Variants in EBF2 observed in about 807,000 individuals in gnomAD.
EBF2 encodes transcription factor COE2.
Under a neutral mutation model 72.8 loss-of-function variants are expected in EBF2, and 21 were observed. That is an observed-to-expected ratio of 0.29 (90% CI 0.20 to 0.42). The LOEUF (loss-of-function observed/expected upper bound fraction) is 0.42, where lower values mean the gene tolerates loss of function less well. Ranked by LOEUF, EBF2 falls within the 10% of genes least tolerant of loss-of-function variation. The probability of loss-of-function intolerance (pLI) is 1.00; values close to 1 mark genes in which losing one functional copy is unlikely to be tolerated. For synonymous variants in EBF2, 299 were observed against 274.2 expected (o/e 1.09, Z -0.89); for missense variants, 637 against 731.2 (o/e 0.87, Z 1.49).
At chr8:25,956,377 C>G (rs1803947938) in intron 6 of EBF2, among the ~76,000 whole-genome samples, 1 of 151,782 alleles carries the variant, frequency 6.6e-6, no homozygotes, top group African/African-American at 2.4e-5. Context: ...TGTACTCCAG[C>G]CTGGGCAACA....
In EBF2 at chr8:25,861,354, A is replaced by C. The variant is rs1331082812; in HGVS notation, c.1119T>G (p.Ala373=). The change falls in exon 12 of 16, where the codon GCT becomes GCG. Residue 373 remains alanine (A), a synonymous_variant. Coordinates refer to ENST00000520164, the MANE Select transcript of EBF2 (RefSeq NM_022659.4). Reference sequence around the variant, plus strand: ...CATAAAGAGCTTCCACTAGATCTGCAGCTCTTTTCAACAGCATCTCCTGGA... The same window carrying C: ...CATAAAGAGCTTCCACTAGATCTGCCGCTCTTTTCAACAGCATCTCCTGGA... ...RLAKEMLLKR[A]ADLVEALYGT... is the part of the protein sequence containing the mutation. The C allele has an allele frequency of 1.2e-6, 2 of 1,614,220 alleles. No homozygotes were observed. Among genetic ancestry groups the C allele is most frequent in the African/African-American group, 1.3e-5 (1 of 75,072 alleles).
chr8:25,928,428 A>T (rs1803423646), intron 6 of EBF2, among the ~76,000 whole-genome samples: 1 of 152,144 alleles, frequency 6.6e-6, no homozygotes, highest in Non-Finnish European at 1.5e-5. Flanking sequence ...TTCCTGCCCC[A>T]ACTTGGCCCA....
chr8:25,945,135 C>T (rs1157758211), intron 6 of EBF2, among the ~76,000 whole-genome samples: 1 of 118,734 alleles, frequency 8.4e-6, no homozygotes, highest in Non-Finnish European at 1.6e-5. Flanking sequence ...CTTCTTCAGG[C>T]CTTGTGACCT....
At chr8:25,865,889 G>T (rs879323538) in intron 10 of EBF2, among the ~76,000 whole-genome samples, 6 of 151,824 alleles carry the variant, frequency 4.0e-5, no homozygotes, top group Admixed American at 3.9e-4. Flanking sequence ...GCCGGGCGTG[G>T]TGGCGGGTGC....
chr8:25,972,433 G>A (rs1321279663), intron 6 of EBF2, among the ~76,000 whole-genome samples: 2 of 152,086 alleles, frequency 1.3e-5, no homozygotes, highest in Non-Finnish European at 2.9e-5. Flanking sequence ...GGCTTGGGAG[G>A]ATCAAATGAC....
chr8:26,033,266 G>C (rs549889325), intron 5 of EBF2, 113 bp from the exon 6 acceptor site: 2 of 1,015,910 alleles, frequency 2.0e-6, no homozygotes, highest in Non-Finnish European at 3.0e-6. Context: ...TCTGTCACCA[G>C]GCTGTAGTAC....
At chr8:25,858,212 C>T (rs2117258149) in intron 14 of EBF2, 107 bp downstream of exon 14, 1 of 1,382,538 alleles carries the variant, frequency 7.2e-7, no homozygotes, top group Non-Finnish European at 1.0e-6. Context: ...AGGCTGCTCC[C>T]CGACAACTTA....
intron 13 of EBF2, among the ~76,000 whole-genome samples, chr8:25,860,558 G>A (rs1802194671): frequency 6.6e-6 from 1 of 150,960 alleles, no homozygotes; most frequent in African/African-American, 2.4e-5. Context: ...CACTGCACAG[G>A]CAGCCTCGGC....
intron 10 of EBF2, among the ~76,000 whole-genome samples, chr8:25,871,381 CAG>C (rs1476300538): frequency 6.6e-6 from 1 of 152,122 alleles, no homozygotes; most frequent in African/African-American, 2.4e-5. Flanking sequence ...TTTTGGCTGA[CAG>C]GGATACAGAG....
chr8:25,906,029 A>G (rs1243446523), intron 7 of EBF2, among the ~76,000 whole-genome samples: 1 of 152,262 alleles, frequency 6.6e-6, no homozygotes, highest in Non-Finnish European at 1.5e-5. Flanking sequence ...TATGCCAATG[A>G]AAAACTCAGG....
chr8:25,956,809 C>T (rs766410272), intron 6 of EBF2, among the ~76,000 whole-genome samples: 2 of 152,184 alleles, frequency 1.3e-5, no homozygotes, highest in Non-Finnish European at 2.9e-5. Flanking sequence ...TTATTCAGCG[C>T]TAACATTTAA....
intron 6 of EBF2, among the ~76,000 whole-genome samples, chr8:25,916,208 T>C (rs11775415): frequency 0.92 from 138,266 of 150,220 alleles, 63,717 homozygotes; most frequent in African/African-American, 0.96. Context: ...ATCACTTGAA[T>C]CTGGGAGGCG....
At chr8:26,038,069 C>A (rs1225848972) in intron 5 of EBF2, among the ~76,000 whole-genome samples, 2 of 152,180 alleles carry the variant, frequency 1.3e-5, no homozygotes, top group African/African-American at 2.4e-5. Context: ...AGAGAAGGAA[C>A]TTTTCCCCCT....
chr8:25,970,024 C>G (rs911781101), intron 6 of EBF2, among the ~76,000 whole-genome samples: 5 of 152,182 alleles, frequency 3.3e-5, no homozygotes, highest in East Asian at 1.9e-4. Flanking sequence ...TTCATATTAT[C>G]AAGAGGAAAG....
chr8:25,939,233 T>G (rs1196480627), intron 6 of EBF2, among the ~76,000 whole-genome samples: 2 of 152,234 alleles, frequency 1.3e-5, no homozygotes, highest in Non-Finnish European at 2.9e-5. Flanking sequence ...TTACTTGAGT[T>G]GAGAACATTG....
At chr8:25,940,912 G>C (rs1174795666) in intron 6 of EBF2, among the ~76,000 whole-genome samples, 1 of 152,100 alleles carries the variant, frequency 6.6e-6, no homozygotes, top group Admixed American at 6.5e-5. Flanking sequence ...CGGTAGACTA[G>C]TAAATGTTTG....
At chr8:25,900,335 T>G (rs767127698) in intron 7 of EBF2, among the ~76,000 whole-genome samples, 10 of 152,134 alleles carry the variant, frequency 6.6e-5, no homozygotes, top group Non-Finnish European at 1.2e-4. Context: ...TGCATGCACC[T>G]GTAGTCCCAG....
chr8:26,031,095 C>A (rs1805396026), intron 6 of EBF2, among the ~76,000 whole-genome samples: 1 of 152,142 alleles, frequency 6.6e-6, no homozygotes, highest in Non-Finnish European at 1.5e-5. Flanking sequence ...TACAGATTTG[C>A]AAACATTTCT....
chr8:26,003,504 A>G (rs1020959129), intron 6 of EBF2, among the ~76,000 whole-genome samples: 14 of 152,186 alleles, frequency 9.2e-5, no homozygotes, highest in Admixed American at 3.9e-4. Context: ...AACTTCTGGA[A>G]TCAGATCCGG....
Sources: gnomAD v4.1 joint callset for allele counts (sites outside exome capture counted in the v4.1 genomes callset) on GRCh38, gnomAD v4.1.1 for gene constraint, MANE v1.5 for transcripts, NCBI Gene and HGNC (gene_info 2026-07-23, HGNC 2026-07-21) for gene names.